The following ATE1 variants were observed in gnomAD, a reference collection of about 807,000 sequenced individuals.
ATE1 encodes arginyltransferase 1, also known as arginyl-tRNA--protein transferase 1.
ATE1 carries 36 observed loss-of-function variants against 70.5 expected under a neutral mutation model. That is an observed-to-expected ratio of 0.51 (90% CI 0.39 to 0.67). The LOEUF is 0.67. ATE1 is among the 30% of genes least tolerant of loss of function. ATE1 has a pLI of 0.00. For missense variants in ATE1, 593 were observed against 629.5 expected (o/e 0.94, Z 0.62); for synonymous variants, 232 against 219.3 (o/e 1.06, Z -0.51).
intron 8 of ATE1, among the ~76,000 whole-genome samples, chr10:121,858,685 A>T (rs1173180317): frequency 8.0e-5 from 4 of 50,110 alleles, no homozygotes; most frequent in Non-Finnish European, 1.7e-4. Context: ...ATATATTTTT[A>T]TATATTATAT....
intron 11 of ATE1, among the ~76,000 whole-genome samples, chr10:121,766,818 A>G (rs1441984951): frequency 6.6e-6 from 1 of 152,238 alleles, no homozygotes; most frequent in African/African-American, 2.4e-5. Flanking sequence ...CTCCATTCCC[A>G]GATGGCATAG....
At chr10:121,880,354 A>G (rs1024993660) in intron 7 of ATE1, among the ~76,000 whole-genome samples, 10 of 152,104 alleles carry the variant, frequency 6.6e-5, no homozygotes, top group Admixed American at 3.3e-4. Flanking sequence ...TTTGTGGGCT[A>G]AAACATACAA....
intron 10 of ATE1, among the ~76,000 whole-genome samples, chr10:121,806,188 TGCCTGTAAATC>T (rs1947088641): frequency 6.6e-6 from 1 of 152,206 alleles, no homozygotes; most frequent in Admixed American, 6.5e-5. Flanking sequence ...CAGTGGCTTA[TGCCTGTAAATC>T]CTAGTATCTT....
chr10:121,808,127 A>G (rs537356981), intron 10 of ATE1, among the ~76,000 whole-genome samples: 2 of 152,354 alleles, frequency 1.3e-5, no homozygotes, highest in South Asian at 2.1e-4. Flanking sequence ...CACGTATAGT[A>G]TATTTCAATA....
intron 11 of ATE1, among the ~76,000 whole-genome samples, chr10:121,750,708 A>G (rs1944544500): frequency 6.6e-6 from 1 of 152,262 alleles, no homozygotes; most frequent in Admixed American, 6.5e-5. Context: ...ATGAAAGTCT[A>G]TTCTCTTAAC....
intron 11 of ATE1, among the ~76,000 whole-genome samples, chr10:121,772,007 C>CGTT (rs1945539183): frequency 1.3e-5 from 2 of 152,268 alleles, no homozygotes; most frequent in East Asian, 3.9e-4. Flanking sequence ...ACAATATTCT[C>CGTT]GTTGTTCTTT....
chr10:121,745,512 C>A (rs1053741494), intron 11 of ATE1, among the ~76,000 whole-genome samples: 2 of 152,008 alleles, frequency 1.3e-5, no homozygotes, highest in African/African-American at 4.8e-5. Context: ...GTCAGGAGAT[C>A]GACACCATTC....
At chr10:121,759,816 A>AGATCTTCTTGAT (rs1175876210) in intron 11 of ATE1, among the ~76,000 whole-genome samples, 1 of 152,240 alleles carries the variant, frequency 6.6e-6, no homozygotes, top group Non-Finnish European at 1.5e-5. Context: ...AAGATCATCA[A>AGATCTTCTTGAT]GAAGGTGGCT....
chr10:121,816,294 G>A (rs967486813), intron 10 of ATE1, among the ~76,000 whole-genome samples: 2 of 152,042 alleles, frequency 1.3e-5, no homozygotes, highest in African/African-American at 2.4e-5. Context: ...ACATATAATA[G>A]ATTTTATTTA....
At chr10:121,821,835 T>G (rs1236905038) in intron 10 of ATE1, among the ~76,000 whole-genome samples, 1 of 152,164 alleles carries the variant, frequency 6.6e-6, no homozygotes, top group African/African-American at 2.4e-5. Context: ...GAGCTGAGAC[T>G]GCGCCACTGC....
At chr10:121,832,471 C>T (rs1051341744) in intron 10 of ATE1, among the ~76,000 whole-genome samples, 1 of 152,154 alleles carries the variant, frequency 6.6e-6, no homozygotes, top group African/African-American at 2.4e-5. Context: ...GAATTGTACT[C>T]CCATAATTTG....
At chr10:121,924,379 T>G in intron 1 of ATE1, 50 bp from the exon 2 acceptor site, 1 of 1,557,480 alleles carries the variant, frequency 6.4e-7, no homozygotes, top group East Asian at 2.2e-5. Flanking sequence ...CTTTTTTCTT[T>G]TTTAAATTCA....
At chr10:121,904,076 C>T (rs1951090924) in intron 5 of ATE1, among the ~76,000 whole-genome samples, 1 of 151,204 alleles carries the variant, frequency 6.6e-6, no homozygotes, top group African/African-American at 2.4e-5. Context: ...GCCTACCGGA[C>T]CATTCGAGCA....
At chr10:121,828,664 A>C (rs1249613905) in intron 10 of ATE1, among the ~76,000 whole-genome samples, 1 of 152,180 alleles carries the variant, frequency 6.6e-6, no homozygotes, top group Non-Finnish European at 1.5e-5. Flanking sequence ...AACAGCCTAG[A>C]CTGCTGATGG....
In ATE1 at chr10:121,826,819, G is replaced by T. The variant is rs147608579; in HGVS notation, c.1257+9899C>A. On this transcript the variant is annotated intron_variant, in intron 10 of 11. Transcript: ENST00000224652. ...AATGTCTACTGTTCCTCTCTTTTTA[G>T]TTCATGTGTATCTAATGTCTAGCTC... Among the ~76,000 whole-genome samples the T allele has an allele frequency of 3.7e-3, 559 of 152,154 alleles. 5 individuals carry two copies. Among genetic ancestry groups the T allele is most frequent in the African/African-American group, 0.013 (534 of 41,490 alleles).
At chr10:121,852,112 G>A (rs1949077406) in intron 8 of ATE1, among the ~76,000 whole-genome samples, 1 of 152,208 alleles carries the variant, frequency 6.6e-6, no homozygotes, top group African/African-American at 2.4e-5. Context: ...CATATGCCAG[G>A]CATCAGGCCA....
At chr10:121,758,594 C>T (rs1453817846) in intron 11 of ATE1, among the ~76,000 whole-genome samples, 1 of 152,150 alleles carries the variant, frequency 6.6e-6, no homozygotes, top group African/African-American at 2.4e-5. Flanking sequence ...TATAACCATA[C>T]GTTATTTTGC....
At chr10:121,817,623 T>G (rs1482997026) in intron 10 of ATE1, among the ~76,000 whole-genome samples, 1 of 152,008 alleles carries the variant, frequency 6.6e-6, no homozygotes, top group South Asian at 2.1e-4. Flanking sequence ...GAAGTAGCTA[T>G]AATACAATCC....
At chr10:121,760,898 G>A (rs1945012087) in intron 11 of ATE1, among the ~76,000 whole-genome samples, 2 of 152,304 alleles carry the variant, frequency 1.3e-5, no homozygotes, top group East Asian at 3.9e-4. Context: ...TAATTCATAT[G>A]TTTGTCCTCC....
Sources: allele counts gnomAD v4.1 joint callset (sites outside exome capture counted in the v4.1 genomes callset), GRCh38; gene constraint gnomAD v4.1.1; transcripts MANE v1.5; gene names NCBI Gene and HGNC (gene_info 2026-07-23, HGNC 2026-07-21).